Variants in ZNF212 observed in about 807,000 individuals in gnomAD.
The protein encoded by ZNF212 is zinc finger protein 212.
A neutral mutation model predicts 47.3 loss-of-function variants in ZNF212; 32 were observed. That is an observed-to-expected ratio of 0.68 (90% CI 0.51 to 0.91). ZNF212 has a LOEUF of 0.91. Among genes scored for constraint, ZNF212 ranks in the 40% least tolerant of loss-of-function variants. The pLI is 0.00. For synonymous variants in ZNF212, 242 were observed against 253.8 expected, an observed-to-expected ratio of 0.95 and a Z score of 0.44; for missense variants, 555 against 622.8, an observed-to-expected ratio of 0.89 and a Z score of 1.16.
intron 3 of ZNF212, chr7:149,251,067 T>A: frequency 2.6e-6 from 1 of 381,626 alleles, no homozygotes; most frequent in Admixed American, 4.2e-5. Context: ...TTTTTTTTTT[T>A]TCCTGTGGTC....
intron 3 of ZNF212, among the ~76,000 whole-genome samples, chr7:149,251,491 C>CTTTTTTTTTTT (rs71194634): frequency 2.6e-4 from 20 of 77,436 alleles, no homozygotes; most frequent in Non-Finnish European, 3.3e-4. Context: ...CCTGTTTTAT[C>CTTTTTTTTTTT]TTTTTTTTTT....
Position 149,240,796 on chromosome 7 carries a change from G to C in ZNF212, c.24+994G>C, listed in dbSNP as rs1384237828. 2.6e-5 allele frequency among the ~76,000 whole-genome samples: 4 copies of C among 152,352 alleles called. No individual in the cohort carries two copies. The East Asian group carries it at 5.8e-4, about 22-fold the overall frequency. ...ATCTTTGTGAGAATGGAGGGCTAAG[G>C]AAATTCTGTGGGGAAAATTTGACCA... On this transcript the variant is annotated intron_variant, in intron 1 of 4. Transcript: ENST00000335870.
At position 149,252,741 on chromosome 7, in the gene ZNF212, G is replaced by T. The variant is rs773961570; in HGVS notation, c.577G>T (p.Gly193Cys). 3 of 1,614,108 alleles carry T rather than the reference G, an allele frequency of 1.9e-6. No individual in the cohort carries two copies. The highest frequency in any genetic ancestry group is 1.7e-6 in the Non-Finnish European group (2 of 1,180,028). Residue 193 changes from glycine (G) to cysteine (C), a missense_variant, in exon 4 of 5, where the codon GGT becomes TGT. Gly to Cys is a radical substitution (Grantham distance 159). Transcript: ENST00000335870. ...CCAGACAGAGGGAGAAGCGGAGTTGGGTACAGAGATGCTGGGTGACTTGGA... is the reference window on the plus strand; with the variant it reads ...CCAGACAGAGGGAGAAGCGGAGTTGTGTACAGAGATGCTGGGTGACTTGGA... Reference protein sequence around the residue: ...LGQTEGEAELGTEMLGDLEEE... With the variant: ...LGQTEGEAELCTEMLGDLEEE...
In ZNF212 at chr7:149,252,810, A is replaced by C; in HGVS notation, c.631+15A>C. 6.2e-7 allele frequency: 1 copy of C among 1,612,910 alleles called. No homozygotes were observed. Among genetic ancestry groups the C allele is most frequent in the South Asian group, 1.1e-5 (1 of 90,874 alleles). On this transcript the variant is annotated intron_variant, in intron 4 of 4. Coordinates refer to ENST00000335870, the MANE Select transcript of ZNF212 (RefSeq NM_012256.4). ...TGCCCACCCAGGTGAGTGGCTCTGG[A>C]ATATTCTGTTCCCCTTCCATAGCCC...
intron 1 of ZNF212, among the ~76,000 whole-genome samples, chr7:149,248,020 G>A (rs148522739): frequency 2.6e-5 from 4 of 152,244 alleles, no homozygotes; most frequent in Non-Finnish European, 5.9e-5. Flanking sequence ...GCAAGAGAGA[G>A]ACCAAAGAAG....
In ZNF212 at chr7:149,255,440, A is replaced by T. The variant is rs1218220336; in HGVS notation, c.*1025A>T. On this transcript the variant is annotated 3_prime_UTR_variant, in exon 5 of 5. Coordinates refer to ENST00000335870, the MANE Select transcript of ZNF212 (RefSeq NM_012256.4). ...CATTCTGGGATTGCCTATTCCAGAGAGGGTACAGAAAAAGCACACAGATGG... is the reference window on the plus strand; with the variant it reads ...CATTCTGGGATTGCCTATTCCAGAGTGGGTACAGAAAAAGCACACAGATGG... The T allele has an allele frequency of 6.5e-6, 1 of 153,688 alleles. No homozygotes were observed. Among genetic ancestry groups the T allele is most frequent in the Non-Finnish European group, 1.5e-5 (1 of 68,036 alleles). The allele number at this position is 153,688 out of a possible 1,614,324, so 9.5% of individuals were successfully genotyped here.
In ZNF212 at chr7:149,253,899, C is replaced by T. The variant is rs1293589348; in HGVS notation, c.972C>T (p.Thr324=). ...ACGAATGTTCTGAGTGTGAGATCAC[C>T]TTCCGCTATAAGCAGCAGCTGGCCA... ...RPYECSECEI[T]FRYKQQLATH... The change falls in exon 5 of 5, where the codon ACC becomes ACT. Residue 324 remains threonine (T), a synonymous_variant. Coordinates refer to ENST00000335870, the MANE Select transcript of ZNF212 (RefSeq NM_012256.4). The T allele has an allele frequency of 6.2e-7, 1 of 1,614,034 alleles. No homozygotes were observed.
At chr7:149,240,382 A>ACCCCCCCCCCCCCCCCCCCC (rs71194632) in intron 1 of ZNF212, among the ~76,000 whole-genome samples, 3 of 109,356 alleles carry the variant, frequency 2.7e-5, no homozygotes, top group Non-Finnish European at 3.9e-5. Flanking sequence ...TCTCTCCTTC[A>ACCCCCCCCCCCCCCCCCCCC]CCCCCCCCCC....
At chr7:149,244,327 T>G (rs1585591876) in intron 1 of ZNF212, among the ~76,000 whole-genome samples, 1 of 152,174 alleles carries the variant, frequency 6.6e-6, no homozygotes, top group Admixed American at 6.6e-5. Context: ...TTTATTTTTT[T>G]TCTGAGACAG....
At chr7:149,244,341 C>G (rs1016071510) in intron 1 of ZNF212, among the ~76,000 whole-genome samples, 1 of 152,090 alleles carries the variant, frequency 6.6e-6, no homozygotes, top group Non-Finnish European at 1.5e-5. Flanking sequence ...GAGACAGAGT[C>G]TCTCTCTGTT....
chr7:149,240,387 C>CA (rs890805614), intron 1 of ZNF212, among the ~76,000 whole-genome samples: 8 of 149,878 alleles, frequency 5.3e-5, no homozygotes, highest in African/African-American at 2.0e-4. Flanking sequence ...CCTTCACCCC[C>CA]CCCCCAACAC....
intron 4 of ZNF212, among the ~76,000 whole-genome samples, chr7:149,253,071 A>C (rs985918717): frequency 6.6e-6 from 1 of 152,094 alleles, no homozygotes; most frequent in Non-Finnish European, 1.5e-5. Flanking sequence ...CCTGCTGGAG[A>C]TTGAGCGTAG....
chr7:149,240,039 C>T, intron 1 of ZNF212: 4 of 431,868 alleles, frequency 9.3e-6, no homozygotes, highest in Admixed American at 8.8e-5. Flanking sequence ...CCAGAAACTT[C>T]TCTGACGCTT....
At chr7:149,243,452 AAAAAAAAG>A (rs1389566721) in intron 1 of ZNF212, among the ~76,000 whole-genome samples, 8 of 148,942 alleles carry the variant, frequency 5.4e-5, no homozygotes, top group African/African-American at 1.8e-4. Flanking sequence ...AAAAAAAAAA[AAAAAAAAG>A]AGAGAGAGAG....
At chr7:149,239,825 G>C (rs1219991041) in intron 1 of ZNF212, 23 bp downstream of exon 1, 1 of 1,270,982 alleles carries the variant, frequency 7.9e-7, no homozygotes, top group Non-Finnish European at 1.0e-6. Flanking sequence ...CGGCGCGCTG[G>C]CTCGAGGGCG....
chr7:149,246,641 C>T (rs915571002), intron 1 of ZNF212, among the ~76,000 whole-genome samples: 10 of 152,176 alleles, frequency 6.6e-5, no homozygotes, highest in African/African-American at 2.4e-4. Context: ...CCGCCCTCCT[C>T]GGCCTCCCAA....
Position 149,254,566 on chromosome 7 carries a change from C to G in ZNF212, c.*151C>G. The G allele has an allele frequency of 8.3e-7, 1 of 1,210,438 alleles. No individual in the cohort carries two copies. The highest frequency in any genetic ancestry group is 1.1e-6 in the Non-Finnish European group (1 of 898,836). 75.0% of individuals were successfully genotyped at this position (1,210,438 alleles called of 1,614,324 possible). On this transcript the variant is annotated 3_prime_UTR_variant, in exon 5 of 5. Coordinates refer to ENST00000335870, the MANE Select transcript of ZNF212 (RefSeq NM_012256.4). This position sits in a 1 kb window ranked among gnomAD's most constrained non-coding sequence, Gnocchi z 4.5. ...GTACCAAGCCAAGCCCAAAGGCTGT[C>G]CTGAAAACCCTGTGGAAGAAGAGTC...
Position 149,253,952 on chromosome 7 carries a change from G to C in ZNF212, c.1025G>C (p.Gly342Ala), listed in dbSNP as rs1167332833. ...ATHLRSHSGW[G>A]SCTPEEPEES... ...CATCTGCGCAGCCACTCTGGGTGGGGGTCTTGTACACCTGAGGAGCCAGAG... is the reference window on the plus strand; with the variant it reads ...CATCTGCGCAGCCACTCTGGGTGGGCGTCTTGTACACCTGAGGAGCCAGAG... Residue 342 changes from glycine (G) to alanine (A), a missense_variant, in exon 5 of 5, where the codon GGG becomes GCG. By Grantham distance (60) the Gly-to-Ala change is moderately conservative. Coordinates refer to ENST00000335870, the MANE Select transcript of ZNF212 (RefSeq NM_012256.4). The C allele has an allele frequency of 6.2e-7, 1 of 1,613,972 alleles. No homozygotes were observed. Among genetic ancestry groups the C allele is most frequent in the African/African-American group, 1.3e-5 (1 of 75,042 alleles).
rs1360749237 is a variant in ZNF212 at position 149,252,906 on chromosome 7, T to G, written c.631+111T>G. On this transcript the variant is annotated intron_variant, in intron 4 of 4. Transcript: ENST00000335870. ...TGACTTGGTGACCTCATCTGGCATC[T>G]GCTTGTTCTGGACTCCTTTATGATT... is the stretch of plus-strand genomic sequence containing the variant. 2.9e-6 allele frequency: 3 copies of G among 1,027,052 alleles called. No homozygotes were observed. In the African/African-American group the frequency reaches 4.8e-5, roughly 16 times the overall value. 63.6% of individuals were successfully genotyped at this position (1,027,052 alleles called of 1,614,324 possible).
Sources: gnomAD v4.1 joint callset for allele counts (sites outside exome capture counted in the v4.1 genomes callset) on GRCh38, gnomAD v4.1.1 for gene constraint, Gnocchi (gnomAD v3.1) non-coding constraint, MANE v1.5 for transcripts, NCBI Gene and HGNC (gene_info 2026-07-23, HGNC 2026-07-21) for gene names.